The following PCDHA4 variants were observed in gnomAD, a reference collection of about 807,000 sequenced individuals.
PCDHA4 encodes the protein protocadherin alpha-4.
PCDHA4 carries 49 observed loss-of-function variants against 61.4 expected under a neutral mutation model. The ratio of observed to expected loss-of-function variants is 0.80; its 90% confidence interval spans 0.63 to 1.01. The LOEUF is 1.01. Ranked by LOEUF, PCDHA4 falls within the 50% of genes least tolerant of loss-of-function variation. The pLI is 0.00. For synonymous variants in PCDHA4, 590 were observed against 550.3 expected (o/e 1.07, Z -1.01); for missense variants, 1,254 against 1,235.8 (o/e 1.01, Z -0.22).
At chr5:140,900,957 A>C (rs1264192105) in intron 1 of PCDHA4, among the ~76,000 whole-genome samples, 1 of 152,206 alleles carries the variant, frequency 6.6e-6, no homozygotes, top group African/African-American at 2.4e-5. Flanking sequence ...TCTGATTATC[A>C]GTGATGTTGA....
At chr5:140,926,441 A>T (rs1476576189) in intron 1 of PCDHA4, 1 of 154,800 alleles carries the variant, frequency 6.5e-6, no homozygotes, top group Non-Finnish European at 1.4e-5. Context: ...AGATCTGGGC[A>T]GCCTCAGGGC....
intron 1 of PCDHA4, chr5:140,929,315 T>C: frequency 6.4e-7 from 1 of 1,559,382 alleles, no homozygotes; most frequent in African/African-American, 1.4e-5. Context: ...CACGCTAATG[T>C]CAATGCCATG....
rs2150201609 is a variant in PCDHA4 at position 140,832,441 on chromosome 5, G to A, written c.2385+22869G>A. Among the ~76,000 whole-genome samples the A allele has an allele frequency of 2.6e-4, 40 of 152,204 alleles. No homozygotes were observed. In the East Asian group the frequency reaches 5.8e-3, roughly 22 times the overall value. ...AAGAAGTACATGATAATTTTTAAGC[G>A]TGTAATTAATATTGCACTAAAATTT... On this transcript the variant is annotated intron_variant, in intron 1 of 3. Coordinates refer to ENST00000530339, the MANE Select transcript of PCDHA4 (RefSeq NM_018907.4).
At chr5:140,841,468 G>T (rs1777250619) in intron 1 of PCDHA4, 7 of 1,612,868 alleles carry the variant, frequency 4.3e-6, no homozygotes, top group African/African-American at 1.3e-5. Context: ...GCCGGATCGC[G>T]CAGGACCTGG....
intron 1 of PCDHA4, chr5:140,828,936 A>G (rs1554131652): frequency 3.1e-6 from 5 of 1,614,144 alleles, no homozygotes; most frequent in Non-Finnish European, 4.2e-6. Flanking sequence ...TATTCTTTTA[A>G]TAGCCTTGTT....
At chr5:140,884,312 G>A in intron 1 of PCDHA4, 1 of 1,613,768 alleles carries the variant, frequency 6.2e-7, no homozygotes, top group Non-Finnish European at 8.5e-7. Context: ...TTCGTCGAGG[G>A]CGTCGGCAGG....
intron 1 of PCDHA4, chr5:140,828,088 T>G (rs2150150812): frequency 1.3e-6 from 2 of 1,592,494 alleles, no homozygotes; most frequent in Admixed American, 3.5e-5. Context: ...CAGAGGTATT[T>G]GACATGGTGT....
intron 1 of PCDHA4, chr5:140,877,765 C>T (rs377126743): frequency 4.3e-6 from 7 of 1,614,176 alleles, no homozygotes; most frequent in Non-Finnish European, 5.1e-6. Context: ...AGAGAGCCCG[C>T]CCAAGACGGA....
intron 1 of PCDHA4, chr5:140,836,474 C>T (rs1774508920): frequency 6.2e-7 from 1 of 1,613,830 alleles, no homozygotes; most frequent in Admixed American, 1.7e-5. Flanking sequence ...TGGATGTCAA[C>T]GTGTACCTGA....
At chr5:140,828,295 C>T (rs1769680333) in intron 1 of PCDHA4, 1 of 1,614,006 alleles carries the variant, frequency 6.2e-7, no homozygotes, top group Non-Finnish European at 8.5e-7. Flanking sequence ...GGATGGCCTC[C>T]AAAGACCGCG....
intron 1 of PCDHA4, chr5:140,830,027 C>G (rs2150179874): frequency 4.3e-6 from 7 of 1,613,884 alleles, no homozygotes; most frequent in Non-Finnish European, 5.1e-6. Flanking sequence ...TCCGCGCCAC[C>G]GGCTGCTGGT....
chr5:140,809,156 C>A lies in PCDHA4; in HGVS notation c.1969C>A (p.Pro657Thr), dbSNP rs142332964. ...GGTACTGGTGAAGGACCACGGCGAG[C>A]CCGCGCTGACGGCCACGGCCACTGT... ...LLVLVKDHGE[P>T]ALTATATVLV... Residue 657 changes from proline (P) to threonine (T), a missense_variant, in exon 1 of 4, where the codon CCC becomes ACC. By Grantham distance (38) the Pro-to-Thr change is conservative. Coordinates refer to ENST00000530339, the MANE Select transcript of PCDHA4 (RefSeq NM_018907.4). 1,245 of 1,613,862 alleles carry A rather than the reference C, an allele frequency of 7.7e-4. No individual in the cohort carries two copies. Among genetic ancestry groups the A allele is most frequent in the Non-Finnish European group, 1.0e-3 (1,205 of 1,179,950 alleles).
At chr5:140,829,527 C>T (rs113031368) in intron 1 of PCDHA4, 1 of 1,613,148 alleles carries the variant, frequency 6.2e-7, no homozygotes, top group African/African-American at 1.3e-5. Flanking sequence ...ACGGTGTCTG[C>T]GCGAGACGCG....
intron 1 of PCDHA4, among the ~76,000 whole-genome samples, chr5:140,895,738 C>A (rs1554186621): frequency 6.6e-6 from 1 of 152,108 alleles, no homozygotes; most frequent in Non-Finnish European, 1.5e-5. Context: ...CAATGGGCTG[C>A]AAAGGGCATG....
chr5:140,880,801 GAA>G (rs1193515493), intron 1 of PCDHA4, among the ~76,000 whole-genome samples: 5 of 152,182 alleles, frequency 3.3e-5, no homozygotes, highest in African/African-American at 1.2e-4. Flanking sequence ...ATAAATAGGT[GAA>G]TGACTCTAGA....
intron 1 of PCDHA4, chr5:140,966,752 C>T (rs1013247328): frequency 3.5e-6 from 5 of 1,432,026 alleles, no homozygotes; most frequent in Non-Finnish European, 4.6e-6. Flanking sequence ...GCTGCCTCCG[C>T]CGCGGCCAGT....
chr5:140,824,225 A>T, intron 1 of PCDHA4: 1 of 1,554,028 alleles, frequency 6.4e-7, no homozygotes, highest in Non-Finnish European at 8.9e-7. Flanking sequence ...ATTATGTCTT[A>T]GTACACAAAT....
intron 1 of PCDHA4, among the ~76,000 whole-genome samples, chr5:140,961,843 G>T (rs1244708157): frequency 1.3e-5 from 2 of 151,972 alleles, no homozygotes; most frequent in Non-Finnish European, 2.9e-5. Flanking sequence ...CAGTGCCTTG[G>T]AAGATCATTT....
chr5:140,849,672 G>C (rs2150444436), intron 1 of PCDHA4: 3 of 1,598,534 alleles, frequency 1.9e-6, no homozygotes, highest in Middle Eastern at 1.7e-4. Flanking sequence ...GACGCCCCAC[G>C]TCCCCTTCAA....
Sources: allele counts gnomAD v4.1 joint callset (sites outside exome capture counted in the v4.1 genomes callset), GRCh38; gene constraint gnomAD v4.1.1; transcripts MANE v1.5; gene names NCBI Gene and HGNC (gene_info 2026-07-23, HGNC 2026-07-21).